The following ARHGEF28 variants were observed in gnomAD, a reference collection of about 807,000 sequenced individuals.
ARHGEF28 encodes Rho guanine nucleotide exchange factor 28.
A neutral mutation model predicts 206.6 loss-of-function variants in ARHGEF28; 152 were observed. The observed-to-expected ratio is 0.74, with a 90% confidence interval of 0.64 to 0.84. The LOEUF (loss-of-function observed/expected upper bound fraction) is 0.84. Among genes scored for constraint, ARHGEF28 ranks in the 40% least tolerant of loss-of-function variants. The probability of loss-of-function intolerance (pLI) is 0.00; values close to 1 mark genes in which losing one functional copy is unlikely to be tolerated. For synonymous variants in ARHGEF28, 763 were observed against 776.4 expected (o/e 0.98, Z 0.29); for missense variants, 2,028 against 2,073.2 (o/e 0.98, Z 0.42).
chr5:73,926,153 A>T (rs1763789221), intron 35 of ARHGEF28, among the ~76,000 whole-genome samples: 1 of 152,218 alleles, frequency 6.6e-6, no homozygotes, highest in African/African-American at 2.4e-5. Flanking sequence ...TTATTGAAGA[A>T]TGAATGAATA....
intron 33 of ARHGEF28, 65 bp downstream of exon 33, chr5:73,904,470 T>C (rs765723740): frequency 3.9e-5 from 58 of 1,470,422 alleles, no homozygotes; most frequent in Non-Finnish European, 5.3e-5. Flanking sequence ...TCTTTGATGA[T>C]TCCCAGACTT....
intron 9 of ARHGEF28, among the ~76,000 whole-genome samples, chr5:73,824,555 T>A (rs1406677542): frequency 2.0e-5 from 3 of 151,822 alleles, no homozygotes; most frequent in African/African-American, 7.3e-5. Context: ...CTGCAACCTC[T>A]GCCTCCCAGG....
Position 73,909,718 on chromosome 5 carries a change from C to T in ARHGEF28, c.4468C>T (p.Arg1490Trp), listed in dbSNP as rs1561186130. 1.3e-6 allele frequency: 2 copies of T among 1,522,400 alleles called. No individual in the cohort carries two copies. The highest frequency in any genetic ancestry group is 8.8e-7 in the Non-Finnish European group (1 of 1,134,080). The allele number at this position is 1,522,400 out of a possible 1,614,324, so 94.3% of individuals were successfully genotyped here. A position where few individuals can be genotyped will look rare whatever the true frequency, so the allele number is the denominator to read the frequency against. ...QSQEELLLRS[R>W]GELDLQLQEY... ...GCAGGAGGAGCTGCTGCTGCGGAGC[C>T]GGGGCGAGCTGGACCTCCAGCTCCA... Residue 1490 changes from arginine to tryptophan, a missense_variant, in exon 34 of 36, where the codon CGG becomes TGG. By Grantham distance (101) the Arg-to-Trp change is moderately radical. Around this residue, in one of 3 missense-constraint regions of ARHGEF28, gnomAD observed 803 missense variants for 768.0 expected, o/e 1.05. Coordinates refer to ENST00000513042, the MANE Select transcript of ARHGEF28 (RefSeq NM_001177693.2).
At position 73,909,653 on chromosome 5, in the gene ARHGEF28, G is replaced by T; in HGVS notation, c.4403G>T (p.Arg1468Met). 6.5e-7 allele frequency: 1 copy of T among 1,546,420 alleles called. No individual in the cohort carries two copies. The highest frequency in any genetic ancestry group is 1.2e-5 in the South Asian group (1 of 83,984). The stretch of plus-strand genomic sequence containing the variant: ...CAGCAGCAGCGGGCGCAGGCGACCA[G>T]GGAGAGCTGGCTGCAGGAGCGGGAG... ...CEQQQRAQAT[R>M]ESWLQERERE... The change falls in exon 34 of 36, where the codon AGG becomes ATG. Residue 1468 changes from arginine to methionine, a missense_variant. Arg to Met is a moderately conservative substitution (Grantham distance 91). This residue lies in a region of ARHGEF28 where 803 missense variants were observed against 768.0 expected (regional missense o/e 1.05). Coordinates refer to ENST00000513042, the MANE Select transcript of ARHGEF28 (RefSeq NM_001177693.2).
chr5:73,639,596 G>A (rs544513406), intron 1 of ARHGEF28, among the ~76,000 whole-genome samples: 50 of 152,180 alleles, frequency 3.3e-4, no homozygotes, highest in South Asian at 1.5e-3. Context: ...TGCAGTTTGA[G>A]TACAAGTATA....
chr5:73,653,941 T>C (rs1325977181), intron 1 of ARHGEF28, among the ~76,000 whole-genome samples: 8 of 152,204 alleles, frequency 5.3e-5, no homozygotes, highest in Admixed American at 1.3e-4. Context: ...TGAGTTTGCA[T>C]AGAAAAGGTG....
intron 2 of ARHGEF28, among the ~76,000 whole-genome samples, chr5:73,743,666 T>C (rs1368017865): frequency 6.7e-6 from 1 of 150,242 alleles, no homozygotes; most frequent in Non-Finnish European, 1.5e-5. Context: ...TCAAATCAGA[T>C]CAGGGGTTCT....
At chr5:73,686,958 A>AT (rs944090584) in intron 2 of ARHGEF28, among the ~76,000 whole-genome samples, 1 of 152,178 alleles carries the variant, frequency 6.6e-6, no homozygotes, top group African/African-American at 2.4e-5. Flanking sequence ...ATATTTTATC[A>AT]TTTTTAAGGT....
chr5:73,843,216 C>G lies in ARHGEF28; in HGVS notation c.1427+2456C>G, dbSNP rs528709049. Reference sequence around the variant, plus strand: ...CACTGCTACAGATAGAATTTTTCCTCTGTAGAATATAATTTAGACAAAATA... The same window carrying G: ...CACTGCTACAGATAGAATTTTTCCTGTGTAGAATATAATTTAGACAAAATA... On this transcript the variant is annotated intron_variant, in intron 11 of 35. Transcript: ENST00000513042. Among the ~76,000 whole-genome samples, 13 of 152,244 alleles carry G rather than the reference C, an allele frequency of 8.5e-5. 1 individual carries two copies. The highest frequency in any genetic ancestry group is 2.9e-4 in the African/African-American group (12 of 41,530).
Position 73,885,704 on chromosome 5 carries a change from G to A in ARHGEF28, c.3056-146G>A, listed in dbSNP as rs145319224. 379 of 978,492 alleles carry A rather than the reference G, an allele frequency of 3.9e-4. 1 individual carries two copies. The African/African-American group carries it at 5.7e-3, about 15-fold the overall frequency. 60.6% of individuals were successfully genotyped at this position (978,492 alleles called of 1,614,324 possible). ...CATGTTGCCCAGGCTAGGAATTTAAGTTTAATCCAACATTTTTCTTATGGG... is the reference window on the plus strand; with the variant it reads ...CATGTTGCCCAGGCTAGGAATTTAAATTTAATCCAACATTTTTCTTATGGG... On this transcript the variant is annotated intron_variant, in intron 24 of 35. Coordinates refer to ENST00000513042, the MANE Select transcript of ARHGEF28 (RefSeq NM_001177693.2).
At chr5:73,934,041 A>T (rs1764281087) in intron 35 of ARHGEF28, among the ~76,000 whole-genome samples, 1 of 152,126 alleles carries the variant, frequency 6.6e-6, no homozygotes, top group South Asian at 2.1e-4. Context: ...GCCTTTAAAA[A>T]ATTTTACAAT....
intron 2 of ARHGEF28, among the ~76,000 whole-genome samples, chr5:73,718,350 T>C (rs1415492571): frequency 6.6e-6 from 1 of 152,196 alleles, no homozygotes; most frequent in Non-Finnish European, 1.5e-5. Context: ...GGATGTTGTC[T>C]GATGCAATGA....
chr5:73,789,484 T>C (rs1754339331), intron 7 of ARHGEF28, among the ~76,000 whole-genome samples: 1 of 152,048 alleles, frequency 6.6e-6, no homozygotes, highest in African/African-American at 2.4e-5. Context: ...TATCCTAAAA[T>C]TGATTATGGT....
intron 2 of ARHGEF28, among the ~76,000 whole-genome samples, chr5:73,712,108 T>C (rs1245773685): frequency 6.6e-6 from 1 of 152,196 alleles, no homozygotes; most frequent in Non-Finnish European, 1.5e-5. Flanking sequence ...TATTTGAATA[T>C]TGAACGAGAC....
Position 73,846,471 on chromosome 5 carries a change from C to G in ARHGEF28, c.1631C>G (p.Ser544Trp). The G allele has an allele frequency of 6.2e-7, 1 of 1,612,422 alleles. No individual in the cohort carries two copies. The highest frequency in any genetic ancestry group is 1.3e-5 in the African/African-American group (1 of 74,896). ...ESLPLSSNLQ[S>W]KESLLSGVRS... ...CTTCCTCTATCAAGTAATCTACAGT[C>G]GAAGGTATTCTTATTGCTATTAATT... Residue 544 changes from serine (S) to tryptophan (W), a missense_variant, in exon 12 of 36, where the codon TCG becomes TGG. By Grantham distance (177) the Ser-to-Trp change is radical. Around this residue, in one of 3 missense-constraint regions of ARHGEF28, gnomAD observed 1,002 missense variants for 1,015.3 expected, o/e 0.99. Coordinates refer to ENST00000513042, the MANE Select transcript of ARHGEF28 (RefSeq NM_001177693.2).
At chr5:73,822,247 T>A (rs1263289988) in intron 9 of ARHGEF28, among the ~76,000 whole-genome samples, 1 of 152,214 alleles carries the variant, frequency 6.6e-6, no homozygotes, top group Non-Finnish European at 1.5e-5. Flanking sequence ...CAGCTGTTTC[T>A]GTGGCTAACA....
At chr5:73,633,153 T>A (rs1234129045) in intron 1 of ARHGEF28, among the ~76,000 whole-genome samples, 1 of 151,910 alleles carries the variant, frequency 6.6e-6, no homozygotes, top group African/African-American at 2.4e-5. Context: ...GGACGGGAGG[T>A]GGAGCTCAGG....
At chr5:73,739,858 A>C (rs1201321272) in intron 2 of ARHGEF28, among the ~76,000 whole-genome samples, 2 of 133,444 alleles carry the variant, frequency 1.5e-5, no homozygotes, top group African/African-American at 2.6e-5. Flanking sequence ...TAAATAAATA[A>C]ATAAATAAAA....
chr5:73,682,417 T>TG (rs1409301861), intron 1 of ARHGEF28, among the ~76,000 whole-genome samples: 12 of 143,102 alleles, frequency 8.4e-5, no homozygotes, highest in Non-Finnish European at 1.6e-4. Flanking sequence ...CACAATTCAT[T>TG]CTTTTTTTTT....
Sources: gnomAD v4.1 joint callset for allele counts (sites outside exome capture counted in the v4.1 genomes callset) on GRCh38, gnomAD v4.1.1 for gene constraint, gnomAD v4.1.1 regional missense constraint, MANE v1.5 for transcripts, NCBI Gene and HGNC (gene_info 2026-07-23, HGNC 2026-07-21) for gene names.